The following APAF1 variants were observed in gnomAD, a reference collection of about 807,000 sequenced individuals.
The protein encoded by APAF1 is apoptotic peptidase activating factor 1.
APAF1 carries 91 observed loss-of-function variants against 152.4 expected under a neutral mutation model. That is an observed-to-expected ratio of 0.60 (90% CI 0.50 to 0.71). The LOEUF (loss-of-function observed/expected upper bound fraction) is 0.71. Ranked by LOEUF, APAF1 falls within the 30% of genes least tolerant of loss-of-function variation. APAF1 has a pLI of 0.00. For synonymous variants in APAF1, 484 were observed against 494.1 expected, an observed-to-expected ratio of 0.98 and a Z score of 0.27; for missense variants, 1,283 against 1,472.0, an observed-to-expected ratio of 0.87 and a Z score of 2.10.
chr12:98,661,379 A>G (rs1188287453), intron 5 of APAF1, among the ~76,000 whole-genome samples: 1 of 152,196 alleles, frequency 6.6e-6, no homozygotes, highest in East Asian at 1.9e-4. Flanking sequence ...CTAGCTTACA[A>G]AGCCAGGCAT....
chr12:98,713,097 G>C (rs2097729928), intron 21 of APAF1, among the ~76,000 whole-genome samples: 1 of 152,150 alleles, frequency 6.6e-6, no homozygotes, highest in Non-Finnish European at 1.5e-5. Context: ...GGGATTACAG[G>C]CATGAGCCAC....
intron 11 of APAF1, 30 bp downstream of exon 11, chr12:98,671,116 TA>T: frequency 7.6e-7 from 1 of 1,315,654 alleles, no homozygotes; most frequent in Non-Finnish European, 1.1e-6. Context: ...AAATTAGTGC[TA>T]AAAAGGAATC....
chr12:98,719,498 T>A (rs375756272), intron 22 of APAF1, among the ~76,000 whole-genome samples: 1 of 151,648 alleles, frequency 6.6e-6, no homozygotes, highest in Non-Finnish European at 1.5e-5. Context: ...TACAGGCCCG[T>A]GCCACCATTT....
Position 98,715,486 on chromosome 12 carries a change from A to G in APAF1, c.3018A>G (p.Val1006=), listed in dbSNP as rs767699613. The change falls in exon 22 of 27, where the codon GTA becomes GTG. Residue 1006 remains valine, a synonymous_variant. Transcript: ENST00000551964. ...FQSRFQHKKT[V]WHIQFTADEK... is the part of the protein sequence containing the mutation. ...CCAGGTTTCAGCACAAGAAAACTGTATGGCACATCCAGTTCACAGCCGATG... is the reference window on the plus strand; with the variant it reads ...CCAGGTTTCAGCACAAGAAAACTGTGTGGCACATCCAGTTCACAGCCGATG... The G allele has an allele frequency of 1.1e-5, 18 of 1,613,498 alleles. No homozygotes were observed. Among genetic ancestry groups the G allele is most frequent in the East Asian group, 2.2e-5 (1 of 44,846 alleles).
intron 20 of APAF1, 84 bp downstream of exon 20, chr12:98,708,788 TA>T: frequency 1.4e-5 from 20 of 1,399,038 alleles, no homozygotes; most frequent in Non-Finnish European, 2.0e-5. Context: ...GACTTGAGAT[TA>T]AGCATAATTA....
At chr12:98,677,903 A>G (rs17028590) in intron 13 of APAF1, among the ~76,000 whole-genome samples, 12,586 of 152,250 alleles carry the variant, frequency 0.083, 680 homozygotes, top group East Asian at 0.23. Context: ...GAAAATACCT[A>G]TTTTATCAAA....
At chr12:98,720,024 T>A (rs187293155) in intron 22 of APAF1, among the ~76,000 whole-genome samples, 103 of 152,310 alleles carry the variant, frequency 6.8e-4, no homozygotes, top group Non-Finnish European at 6.9e-4. Context: ...ACACTGGTGT[T>A]CTAGCTGTAA....
At chr12:98,648,883 G>A in intron 3 of APAF1, 68 bp downstream of exon 3, 2 of 1,420,184 alleles carry the variant, frequency 1.4e-6, no homozygotes, top group Non-Finnish European at 2.0e-6. Context: ...TATTGTAGAT[G>A]TAATCTTTTG....
intron 4 of APAF1, among the ~76,000 whole-genome samples, chr12:98,658,243 C>T (rs2097660314): frequency 6.6e-6 from 1 of 151,990 alleles, no homozygotes; most frequent in Non-Finnish European, 1.5e-5. Flanking sequence ...AAGATTTTGG[C>T]TACTGACAAT....
At chr12:98,653,692 ATATATATATATATAT>A (rs1164614682) in intron 4 of APAF1, among the ~76,000 whole-genome samples, 2 of 15,064 alleles carry the variant, frequency 1.3e-4, no homozygotes, top group African/African-American at 2.3e-4. Flanking sequence ...AAAAAAAAAA[ATATATATATATATAT>A]ATATATATAT....
In APAF1 at chr12:98,680,387, G is replaced by A. The variant is rs1170774536; in HGVS notation, c.2031G>A (p.Val677=). Residue 677 remains valine, a synonymous_variant, in exon 14 of 27, where the codon GTG becomes GTA. Transcript: ENST00000551964. ...TDDRFIATCS[V]DKKVKIWNSM... is the part of the protein sequence containing the mutation. ...ACAGATTTATAGCAACCTGCTCAGT[G>A]GATAAAAAAGTGAAGGTAGGAAAAT... 1.9e-6 allele frequency: 3 copies of A among 1,613,276 alleles called. No individual in the cohort carries two copies. The East Asian group carries it at 6.7e-5, about 36-fold the overall frequency.
At position 98,683,150 on chromosome 12, in the gene APAF1, A is replaced by G. The variant is rs764355213; in HGVS notation, c.2054A>G (p.Asn685Ser). Residue 685 changes from asparagine (N) to serine (S), a missense_variant, in exon 15 of 27, where the codon AAT becomes AGT. Coordinates refer to ENST00000551964, the MANE Select transcript of APAF1 (RefSeq NM_181861.2). ...CSVDKKVKIW[N>S]SMTGELVHTY... Reference sequence around the variant, plus strand: ...TTTCTCTTTTCTCTTTAGATTTGGAATTCTATGACTGGGGAACTAGTACAC... The same window carrying G: ...TTTCTCTTTTCTCTTTAGATTTGGAGTTCTATGACTGGGGAACTAGTACAC... 48 of 1,613,002 alleles carry G rather than the reference A, an allele frequency of 3.0e-5. No homozygotes were observed. Among genetic ancestry groups the G allele is most frequent in the Non-Finnish European group, 4.0e-5 (47 of 1,179,368 alleles).
intron 4 of APAF1, among the ~76,000 whole-genome samples, chr12:98,653,694 A>C (rs1469041875): frequency 3.6e-4 from 26 of 71,246 alleles, no homozygotes; most frequent in African/African-American, 1.6e-3. Context: ...AAAAAAAAAT[A>C]TATATATATA....
intron 17 of APAF1, among the ~76,000 whole-genome samples, 157 bp downstream of exon 17, chr12:98,699,726 C>T (rs943422239): frequency 3.3e-5 from 5 of 152,126 alleles, no homozygotes; most frequent in African/African-American, 7.2e-5. Context: ...AACTGTGCTC[C>T]GTGAGATAAG....
chr12:98,679,248 C>T (rs956659037), intron 13 of APAF1, among the ~76,000 whole-genome samples: 8 of 152,042 alleles, frequency 5.3e-5, no homozygotes, highest in Admixed American at 4.6e-4. Flanking sequence ...CTCTAGTGCC[C>T]CCTCTTTGCT....
At chr12:98,686,979 G>A in intron 16 of APAF1, 106 bp downstream of exon 16, 3 of 1,161,004 alleles carry the variant, frequency 2.6e-6, no homozygotes, top group Middle Eastern at 2.5e-4. Context: ...GAAAGAGCCT[G>A]CTTCTTTCAA....
chr12:98,652,073 C>G lies in APAF1; in HGVS notation c.526+2389C>G, dbSNP rs369195693. 3.3e-5 allele frequency among the ~76,000 whole-genome samples: 5 copies of G among 152,248 alleles called. No homozygotes were observed. The East Asian group carries it at 9.6e-4, about 29-fold the overall frequency. On this transcript the variant is annotated intron_variant, in intron 4 of 26. Transcript: ENST00000551964. ...CAAGCAATTCACCCACCTTGGCCTC[C>G]CAAAGTGCTGGAATTGCAGGTGTAA...
chr12:98,648,906 C>T, intron 3 of APAF1, 91 bp downstream of exon 3: 1 of 1,235,826 alleles, frequency 8.1e-7, no homozygotes, highest in African/African-American at 1.5e-5. Flanking sequence ...GAGAGTGTGA[C>T]CAGTTCACTG....
rs2097690940 is a variant in APAF1 at position 98,680,278 on chromosome 12, T to C, written c.1922T>C (p.Val641Ala). 6.3e-7 allele frequency: 1 copy of C among 1,597,928 alleles called. No homozygotes were observed. Among genetic ancestry groups the C allele is most frequent in the East Asian group, 2.2e-5 (1 of 44,558 alleles). Residue 641 changes from valine to alanine, a missense_variant and splice_region_variant, in exon 14 of 27, where the codon GTG (valine) becomes GCG (alanine). By Grantham distance (64) the Val-to-Ala change is moderately conservative. Coordinates refer to ENST00000551964, the MANE Select transcript of APAF1 (RefSeq NM_181861.2). ...AATATTTTATTGTTACTTGTGCAGG[T>C]GTTCAAAGCTGAAACAGGAGAGAAA... is the stretch of plus-strand genomic sequence containing the variant. The part of the protein sequence containing the change: ...ASCGADKTLQ[V>A]FKAETGEKLL...
Sources: allele counts gnomAD v4.1 joint callset (sites outside exome capture counted in the v4.1 genomes callset), GRCh38; gene constraint gnomAD v4.1.1; transcripts MANE v1.5; gene names NCBI Gene and HGNC (gene_info 2026-07-23, HGNC 2026-07-21).